RORA: variants seen among roughly 807,000 people sequenced by gnomAD.
RORA encodes nuclear receptor ROR-alpha.
A neutral mutation model predicts 69.5 loss-of-function variants in RORA; 7 were observed. The observed-to-expected ratio is 0.10, with a 90% CI of 0.06 to 0.19. RORA has a LOEUF of 0.19. Ranked by LOEUF, RORA falls within the 10% of genes least tolerant of loss-of-function variation. The pLI, the probability that RORA is intolerant of heterozygous loss-of-function variation, is 1.00. For synonymous variants in RORA, 261 were observed against 240.8 expected (o/e 1.08, Z -0.78); for missense variants, 457 against 663.0 (o/e 0.69, Z 3.41).
At chr15:61,012,842 G>A (rs1396395816) in intron 1 of RORA, among the ~76,000 whole-genome samples, 2 of 152,130 alleles carry the variant, frequency 1.3e-5, no homozygotes, top group African/African-American at 2.4e-5. Flanking sequence ...TAGAGATGGA[G>A]TTTCACCATG....
intron 2 of RORA, chr15:60,678,345 A>G (rs1006636013): frequency 3.1e-5 from 7 of 226,364 alleles, no homozygotes; most frequent in Non-Finnish European, 6.0e-5. Context: ...TCTTCTAAGA[A>G]GGATCTAGGA....
At chr15:60,869,596 C>T (rs185143350) in intron 1 of RORA, among the ~76,000 whole-genome samples, 9 of 152,284 alleles carry the variant, frequency 5.9e-5, no homozygotes, top group Non-Finnish European at 8.8e-5. Context: ...ACACAATGTC[C>T]GGCATGTGGC....
intron 1 of RORA, among the ~76,000 whole-genome samples, chr15:60,943,716 G>C (rs1358622680): frequency 6.6e-6 from 1 of 151,804 alleles, no homozygotes; most frequent in Non-Finnish European, 1.5e-5. Flanking sequence ...AGGAGTTCAA[G>C]ACCAGCCTGG....
At chr15:60,781,757 CTG>C (rs1450907154) in intron 1 of RORA, among the ~76,000 whole-genome samples, 8 of 152,334 alleles carry the variant, frequency 5.3e-5, no homozygotes, top group African/African-American at 1.9e-4. Context: ...AAAACAGACT[CTG>C]ACATCCTCCA....
intron 1 of RORA, among the ~76,000 whole-genome samples, chr15:61,075,266 T>C (rs2140627495): frequency 6.6e-6 from 1 of 152,178 alleles, no homozygotes; most frequent in East Asian, 1.9e-4. Context: ...CCGGGAGCTT[T>C]AGGAATCTGG....
chr15:61,113,989 G>A (rs2140793012), intron 1 of RORA, among the ~76,000 whole-genome samples: 1 of 152,246 alleles, frequency 6.6e-6, no homozygotes, highest in South Asian at 2.1e-4. Context: ...ACTCACTACA[G>A]CCTATAACTG....
rs375412398 is a variant in RORA at position 60,493,368 on chromosome 15, G to T, written c.*4087C>A. On this transcript the variant is annotated 3_prime_UTR_variant, in exon 11 of 11. Coordinates refer to ENST00000335670, the MANE Select transcript of RORA (RefSeq NM_134261.3). ...TATGTATTTTTCCCTGAGGGATCAA[G>T]GTACACCCGCAAGTGCTCTATGTAC... 2.0e-5 allele frequency: 3 copies of T among 152,094 alleles called. No individual in the cohort carries two copies. The highest frequency in any genetic ancestry group is 7.2e-5 in the African/African-American group (3 of 41,424). The allele number at this position is 152,094 out of a possible 1,614,324, so 9.4% of individuals were successfully genotyped here. A position where few individuals can be genotyped will look rare whatever the true frequency, so the allele number is the denominator to read the frequency against.
intron 1 of RORA, among the ~76,000 whole-genome samples, chr15:61,000,466 A>T (rs1438974526): frequency 3.3e-5 from 5 of 152,174 alleles, no homozygotes; most frequent in Non-Finnish European, 7.3e-5. Flanking sequence ...GAGTGAAGGG[A>T]CATCAGGATC....
In RORA at chr15:61,194,612, C is replaced by T. The variant is rs113129310; in HGVS notation, c.166+34441G>A. On this transcript the variant is annotated intron_variant, in intron 1 of 10. Transcript: ENST00000335670. ...GGTGGAGAAGGCAGTATTCCACATA[C>T]ATCATTCCATAGACAATGGCCATTT... Among the ~76,000 whole-genome samples, 12 of 151,500 alleles carry T rather than the reference C, an allele frequency of 7.9e-5. 1 individual carries two copies. The highest frequency in any genetic ancestry group is 2.7e-4 in the African/African-American group (11 of 41,330).
chr15:60,741,143 A>G (rs187104921), intron 1 of RORA, among the ~76,000 whole-genome samples: 7 of 152,346 alleles, frequency 4.6e-5, no homozygotes, highest in African/African-American at 1.7e-4. Context: ...TAATGTTACA[A>G]CACTGACCAT....
chr15:61,055,251 T>G (rs1309666346), intron 1 of RORA, among the ~76,000 whole-genome samples: 1 of 152,220 alleles, frequency 6.6e-6, no homozygotes. Flanking sequence ...TTCGAATTTA[T>G]TTTTTGGTGT....
intron 1 of RORA, among the ~76,000 whole-genome samples, chr15:61,022,170 G>A (rs1439182275): frequency 7.9e-5 from 12 of 152,224 alleles, no homozygotes; most frequent in African/African-American, 2.2e-4. Context: ...TTTACTTCAC[G>A]ACTATGTTGA....
intron 1 of RORA, among the ~76,000 whole-genome samples, chr15:61,034,743 TG>T (rs1276707570): frequency 8.0e-6 from 1 of 124,616 alleles, no homozygotes; most frequent in Non-Finnish European, 1.7e-5. Context: ...TTTTTAATAG[TG>T]GGGGCTGGGA....
At chr15:60,736,250 G>A (rs896295270) in intron 1 of RORA, among the ~76,000 whole-genome samples, 1 of 152,108 alleles carries the variant, frequency 6.6e-6, no homozygotes, top group Non-Finnish European at 1.5e-5. Flanking sequence ...GAGTTTTCAT[G>A]GTGGCAATCT....
intron 1 of RORA, among the ~76,000 whole-genome samples, chr15:60,963,204 C>T (rs1053977721): frequency 1.3e-5 from 2 of 152,190 alleles, no homozygotes; most frequent in African/African-American, 4.8e-5. Context: ...GACTTGCCCC[C>T]AAGCTGAATA....
intron 1 of RORA, among the ~76,000 whole-genome samples, chr15:60,762,495 T>A (rs570086440): frequency 2.6e-5 from 4 of 152,188 alleles, no homozygotes; most frequent in African/African-American, 9.6e-5. Flanking sequence ...GGAGGACATA[T>A]TACAGCCAAC....
intron 1 of RORA, among the ~76,000 whole-genome samples, chr15:60,966,004 G>A (rs1306993363): frequency 6.6e-6 from 1 of 152,164 alleles, no homozygotes; most frequent in Non-Finnish European, 1.5e-5. Context: ...TGGTTAACAT[G>A]ACAGAGATTT....
chr15:60,854,513 C>T lies in RORA; in HGVS notation c.167-175827G>A, dbSNP rs896590528. On this transcript the variant is annotated intron_variant, in intron 1 of 10. Transcript: ENST00000335670. ...CAAAATGCTACATGCAGAACTATTTCGTTGGGTTGATATATAAAACACTAA... is the reference window on the plus strand; with the variant it reads ...CAAAATGCTACATGCAGAACTATTTTGTTGGGTTGATATATAAAACACTAA... Among the ~76,000 whole-genome samples the T allele has an allele frequency of 2.6e-5, 4 of 152,068 alleles. 1 individual carries two copies. Among genetic ancestry groups the T allele is most frequent in the Non-Finnish European group, 5.9e-5 (4 of 68,032 alleles).
intron 2 of RORA, among the ~76,000 whole-genome samples, chr15:60,626,924 C>T (rs1248808733): frequency 1.3e-5 from 2 of 152,182 alleles, no homozygotes; most frequent in Non-Finnish European, 2.9e-5. Flanking sequence ...AATCTCTGTG[C>T]TTCAGCTGCT....
Sources: allele counts gnomAD v4.1 joint callset (sites outside exome capture counted in the v4.1 genomes callset), GRCh38; gene constraint gnomAD v4.1.1; transcripts MANE v1.5; gene names NCBI Gene and HGNC (gene_info 2026-07-23, HGNC 2026-07-21).